The following MAML2 variants were observed in gnomAD, a reference collection of about 807,000 sequenced individuals.
The protein encoded by MAML2 is mastermind like transcriptional coactivator 2.
In MAML2, 22 loss-of-function variants were observed where a neutral mutation model predicts 96.1. That is an observed-to-expected ratio of 0.23 (90% confidence interval 0.16 to 0.33). MAML2 has a LOEUF of 0.33. Among genes scored for constraint, MAML2 ranks in the 10% least tolerant of loss-of-function variants. The pLI, the probability that MAML2 is intolerant of heterozygous loss-of-function variation, is 1.00. For synonymous variants in MAML2, 561 were observed against 521.3 expected, an observed-to-expected ratio of 1.08 and a Z score of -1.04; for missense variants, 1,367 against 1,392.4, an observed-to-expected ratio of 0.98 and a Z score of 0.29.
chr11:96,208,022 G>A (rs1199677345), intron 1 of MAML2, among the ~76,000 whole-genome samples: 1 of 152,206 alleles, frequency 6.6e-6, no homozygotes, highest in South Asian at 2.1e-4. Context: ...CAAACTCAGA[G>A]TCTCCATCAT....
At chr11:96,108,146 G>A (rs138691956) in intron 1 of MAML2, among the ~76,000 whole-genome samples, 8 of 152,216 alleles carry the variant, frequency 5.3e-5, no homozygotes, top group Non-Finnish European at 8.8e-5. Context: ...TGTGAAATCT[G>A]GTGCTATCTC....
intron 1 of MAML2, among the ~76,000 whole-genome samples, chr11:96,293,305 G>A (rs945494829): frequency 3.9e-5 from 6 of 152,144 alleles, no homozygotes; most frequent in Admixed American, 2.6e-4. Context: ...TTCAATATAA[G>A]TGTGAGCCTG....
intron 1 of MAML2, among the ~76,000 whole-genome samples, chr11:96,165,536 ATC>A (rs1270683027): frequency 9.2e-5 from 14 of 152,168 alleles, no homozygotes; most frequent in Admixed American, 5.2e-4. Context: ...CATTTTACAT[ATC>A]TCTGTTTTTT....
At chr11:96,026,821 TAA>T (rs34892837) in intron 2 of MAML2, among the ~76,000 whole-genome samples, 3,017 of 134,620 alleles carry the variant, frequency 0.022, 91 homozygotes, top group African/African-American at 0.06. Flanking sequence ...GCTATGGGGT[TAA>T]AAAAAAAAAA....
At chr11:96,222,501 A>T (rs1006122920) in intron 1 of MAML2, among the ~76,000 whole-genome samples, 17 of 152,218 alleles carry the variant, frequency 1.1e-4, no homozygotes. Flanking sequence ...GGAGGAGTTG[A>T]GCAGCAGAAG....
intron 2 of MAML2, among the ~76,000 whole-genome samples, chr11:96,063,030 T>C (rs1279330432): frequency 6.6e-6 from 1 of 152,228 alleles, no homozygotes; most frequent in Non-Finnish European, 1.5e-5. Context: ...CTTATACTCA[T>C]ACAAAGTCTT....
chr11:96,139,273 C>T (rs886335469), intron 1 of MAML2, among the ~76,000 whole-genome samples: 12 of 151,956 alleles, frequency 7.9e-5, no homozygotes, highest in African/African-American at 2.4e-4. Context: ...GTCAGGAGAT[C>T]GAGACCATCC....
intron 2 of MAML2, among the ~76,000 whole-genome samples, chr11:96,013,276 T>C (rs766445927): frequency 1.4e-4 from 21 of 152,238 alleles, no homozygotes; most frequent in Non-Finnish European, 2.9e-4. Flanking sequence ...ATTCTTTGTA[T>C]CTATTCACTT....
At chr11:96,148,888 C>T (rs1860869188) in intron 1 of MAML2, among the ~76,000 whole-genome samples, 2 of 152,164 alleles carry the variant, frequency 1.3e-5, no homozygotes, top group African/African-American at 4.8e-5. Context: ...GGATTCTGCC[C>T]AGGCAGGAAG....
At chr11:96,079,052 AC>A (rs771543714) in intron 2 of MAML2, among the ~76,000 whole-genome samples, 24 of 152,328 alleles carry the variant, frequency 1.6e-4, no homozygotes, top group Admixed American at 5.9e-4. Flanking sequence ...CAGCAAATGA[AC>A]TGATTGGCAT....
chr11:96,112,640 T>C (rs1190040067), intron 1 of MAML2, among the ~76,000 whole-genome samples: 1 of 152,236 alleles, frequency 6.6e-6, no homozygotes, highest in Non-Finnish European at 1.5e-5. Flanking sequence ...TTCTACTTTC[T>C]AGGTAAGAGG....
In MAML2 at chr11:95,997,064, G is replaced by A. The variant is rs548681011; in HGVS notation, c.2140-5341C>T. Among the ~76,000 whole-genome samples, 9 of 152,230 alleles carry A rather than the reference G, an allele frequency of 5.9e-5. No homozygotes were observed. In the East Asian group the frequency reaches 1.2e-3, roughly 20 times the overall value. On this transcript the variant is annotated intron_variant, in intron 2 of 4. Transcript: ENST00000524717. ...GAAAACCCAGTTTTCTAGACAAACCGTAGTTAAAGATTGATTTGGCAGCAA... is the reference window on the plus strand; with the variant it reads ...GAAAACCCAGTTTTCTAGACAAACCATAGTTAAAGATTGATTTGGCAGCAA...
At chr11:96,144,982 A>G (rs1157040974) in intron 1 of MAML2, among the ~76,000 whole-genome samples, 1 of 152,194 alleles carries the variant, frequency 6.6e-6, no homozygotes, top group African/African-American at 2.4e-5. Context: ...TCTCAGTGCT[A>G]TGGAATCTTT....
At chr11:96,273,403 T>A (rs1862942069) in intron 1 of MAML2, among the ~76,000 whole-genome samples, 1 of 152,196 alleles carries the variant, frequency 6.6e-6, no homozygotes, top group African/African-American at 2.4e-5. Context: ...TGGGAAAAAT[T>A]AGGCTACCCC....
intron 1 of MAML2, among the ~76,000 whole-genome samples, chr11:96,110,735 G>A (rs1033136993): frequency 2.6e-5 from 4 of 152,192 alleles, no homozygotes; most frequent in Non-Finnish European, 5.9e-5. Context: ...TACTCCATGG[G>A]AGACTTACAA....
chr11:96,015,490 G>A (rs1858331463), intron 2 of MAML2, among the ~76,000 whole-genome samples: 2 of 142,600 alleles, frequency 1.4e-5, no homozygotes, highest in African/African-American at 2.6e-5. Context: ...ATAAAAGAAT[G>A]AAGCTTCTGA....
rs1863993930 is a variant in MAML2, at chr11:96,341,554, C to T, written c.342G>A (p.Ala114=). 1.9e-6 allele frequency: 3 copies of T among 1,549,624 alleles called. No homozygotes were observed. The highest frequency in any genetic ancestry group is 2.6e-6 in the Non-Finnish European group (3 of 1,146,512). Residue 114 remains alanine, a synonymous_variant, in exon 1 of 5, where the codon GCG becomes GCA. Coordinates refer to ENST00000524717, the MANE Select transcript of MAML2 (RefSeq NM_032427.4). ...APPPPPAAPP[A]ASQAAATAAP... Reference sequence around the variant, plus strand: ...CTGCTGTTGCTGCTGCTTGGGAGGCCGCAGGAGGGGCAGCAGGGGGCGGTG... The same window carrying T: ...CTGCTGTTGCTGCTGCTTGGGAGGCTGCAGGAGGGGCAGCAGGGGGCGGTG...
At chr11:96,025,094 C>A (rs1858495698) in intron 2 of MAML2, among the ~76,000 whole-genome samples, 1 of 152,152 alleles carries the variant, frequency 6.6e-6, no homozygotes, top group African/African-American at 2.4e-5. Context: ...AAGACACGTG[C>A]ACTCGCATGT....
chr11:96,189,150 T>C (rs773931680), intron 1 of MAML2, among the ~76,000 whole-genome samples: 6 of 152,062 alleles, frequency 3.9e-5, no homozygotes, highest in Non-Finnish European at 7.4e-5. Context: ...TCTAGTTTAA[T>C]ACAAGAGGTG....
Sources: gnomAD v4.1 joint callset for allele counts (sites outside exome capture counted in the v4.1 genomes callset) on GRCh38, gnomAD v4.1.1 for gene constraint, MANE v1.5 for transcripts, NCBI Gene and HGNC (gene_info 2026-07-23, HGNC 2026-07-21) for gene names.